Variants in CYP2C19 observed in about 807,000 individuals in gnomAD.
CYP2C19 encodes cytochrome P450 family 2 subfamily C member 19.
Under a neutral mutation model 40.9 loss-of-function variants are expected in CYP2C19, and 59 were observed. That is an observed-to-expected ratio of 1.44 (90% CI 1.17 to 1.79). The LOEUF is 1.79. Ranked by LOEUF, CYP2C19 falls within the 40% of genes most tolerant of loss-of-function variation. The pLI is 0.00. For synonymous variants in CYP2C19, 253 were observed against 208.7 expected (o/e 1.21, Z -1.83); for missense variants, 754 against 596.9 (o/e 1.26, Z -2.74).
chr10:94,773,348 A>G (rs1848361789), intron 1 of CYP2C19, among the ~76,000 whole-genome samples: 1 of 152,128 alleles, frequency 6.6e-6, no homozygotes, highest in South Asian at 2.1e-4. Context: ...GTTCCTTCAG[A>G]TGTTCAGATG....
chr10:94,777,821 G>A (rs896142549), intron 3 of CYP2C19, among the ~76,000 whole-genome samples: 1 of 152,116 alleles, frequency 6.6e-6, no homozygotes, highest in African/African-American at 2.4e-5. Flanking sequence ...AAGAGCTTCT[G>A]CATAGCAAAG....
intron 1 of CYP2C19, among the ~76,000 whole-genome samples, chr10:94,770,488 T>C (rs576134704): frequency 1.3e-5 from 2 of 152,236 alleles, no homozygotes; most frequent in African/African-American, 2.4e-5. Flanking sequence ...AGTTTTCCTT[T>C]TGGGCCTGTT....
In CYP2C19 at chr10:94,801,835, T is replaced by C. The variant is rs1381752642; in HGVS notation, c.820-18661T>C. 3.3e-5 allele frequency among the ~76,000 whole-genome samples: 5 copies of C among 152,162 alleles called. No homozygotes were observed. The East Asian group carries it at 9.6e-4, about 29-fold the overall frequency. Reference sequence around the variant, plus strand: ...TTCTTGTTACATTGTGTCTGGATTTTGTTCCTTCTGGTGCGTTCGTGGTCT... The same window carrying C: ...TTCTTGTTACATTGTGTCTGGATTTCGTTCCTTCTGGTGCGTTCGTGGTCT... On this transcript the variant is annotated intron_variant, in intron 5 of 8. Transcript: ENST00000371321.
In CYP2C19 at chr10:94,820,526, A is replaced by G. The variant is rs745503497; in HGVS notation, c.850A>G (p.Ile284Val). The change falls in exon 6 of 9, where the codon ATT becomes GTT. Residue 284 changes from isoleucine (I) to valine (V), a missense_variant. By Grantham distance (29) the Ile-to-Val change is conservative. Transcript: ENST00000371321. ...GCAAAACCAACAGTCTGAATTCACT[A>G]TTGAAAACTTGGTAATCACTGCAGC... ...EKQNQQSEFT[I>V]ENLVITAADL... The G allele has an allele frequency of 6.2e-6, 10 of 1,614,056 alleles. No homozygotes were observed. Among genetic ancestry groups the G allele is most frequent in the Middle Eastern group, 1.6e-4 (1 of 6,084 alleles).
chr10:94,774,609 C>G (rs1848381362), intron 1 of CYP2C19: 1 of 179,260 alleles, frequency 5.6e-6, no homozygotes, highest in Non-Finnish European at 1.2e-5. Context: ...ACTGTTGGAC[C>G]AGGAAATTGT....
chr10:94,848,408 G>A (rs1159614679), intron 7 of CYP2C19, among the ~76,000 whole-genome samples: 3 of 152,238 alleles, frequency 2.0e-5, no homozygotes, highest in African/African-American at 7.2e-5. Flanking sequence ...TATTATTTCT[G>A]TTGGCTCTGT....
At chr10:94,816,146 A>G (rs577905914) in intron 5 of CYP2C19, among the ~76,000 whole-genome samples, 9 of 152,270 alleles carry the variant, frequency 5.9e-5, no homozygotes, top group Admixed American at 5.9e-4. Context: ...GAGTCTGACA[A>G]ATGGAATTTT....
rs1179257303 is a variant in CYP2C19, at chr10:94,853,621, C to A, written c.*707C>A. Among the ~76,000 whole-genome samples the A allele has an allele frequency of 2.7e-5, 4 of 150,678 alleles. No individual in the cohort carries two copies. Among genetic ancestry groups the A allele is most frequent in the Admixed American group, 2.7e-4 (4 of 15,072 alleles). ...AGTGCAGTGGTGCAATCTCGGCTCA[C>A]TGTAACCTTCGCCTCCCAGGCTCAA... On this transcript the variant is annotated 3_prime_UTR_variant, in exon 9 of 9. Coordinates refer to ENST00000371321, the MANE Select transcript of CYP2C19 (RefSeq NM_000769.4).
chr10:94,801,497 G>A (rs889029012), intron 5 of CYP2C19, among the ~76,000 whole-genome samples: 3 of 152,148 alleles, frequency 2.0e-5, no homozygotes, highest in Admixed American at 6.5e-5. Context: ...TTGCTCAGGA[G>A]TGTTTTACTT....
At chr10:94,787,336 A>T (rs1291624433) in intron 5 of CYP2C19, among the ~76,000 whole-genome samples, 2 of 151,902 alleles carry the variant, frequency 1.3e-5, no homozygotes. Context: ...TTTTTAATGA[A>T]GTTATTTGTT....
At chr10:94,769,885 T>A (rs1328564831) in intron 1 of CYP2C19, among the ~76,000 whole-genome samples, 7 of 152,118 alleles carry the variant, frequency 4.6e-5, no homozygotes, top group Non-Finnish European at 1.0e-4. Flanking sequence ...TTCATGTAGA[T>A]AATAGCTCCA....
At chr10:94,778,123 C>G (rs746308832) in intron 3 of CYP2C19, among the ~76,000 whole-genome samples, 4 of 152,142 alleles carry the variant, frequency 2.6e-5, no homozygotes, top group Non-Finnish European at 5.9e-5. Context: ...TGTTTTTATT[C>G]AGTGCAGGCA....
At chr10:94,801,747 GA>G (rs548069011) in intron 5 of CYP2C19, among the ~76,000 whole-genome samples, 240 of 152,280 alleles carry the variant, frequency 1.6e-3, no homozygotes, top group African/African-American at 5.7e-3. Flanking sequence ...AGGTCTGTAA[GA>G]ACTTGGTTTA....
At chr10:94,798,833 T>A (rs887566694) in intron 5 of CYP2C19, among the ~76,000 whole-genome samples, 1 of 148,004 alleles carries the variant, frequency 6.8e-6, no homozygotes, top group Non-Finnish European at 1.5e-5. Flanking sequence ...TTTTTTTTTT[T>A]TTTTTGCTGT....
intron 6 of CYP2C19, among the ~76,000 whole-genome samples, chr10:94,840,318 C>T (rs959127634): frequency 3.3e-5 from 5 of 151,468 alleles, no homozygotes; most frequent in Non-Finnish European, 7.4e-5. Flanking sequence ...CTCTCTTAGC[C>T]ATTACAAACT....
At chr10:94,845,413 A>G (rs544743091) in intron 7 of CYP2C19, among the ~76,000 whole-genome samples, 3 of 152,314 alleles carry the variant, frequency 2.0e-5, no homozygotes, top group African/African-American at 7.2e-5. Flanking sequence ...CTCACATACT[A>G]TACAAAAACA....
At chr10:94,786,900 C>A (rs1251443815) in intron 5 of CYP2C19, among the ~76,000 whole-genome samples, 1 of 151,986 alleles carries the variant, frequency 6.6e-6, no homozygotes, top group Non-Finnish European at 1.5e-5. Flanking sequence ...TTTCTTTATG[C>A]CACACACCAT....
At chr10:94,814,516 G>A (rs535031724) in intron 5 of CYP2C19, among the ~76,000 whole-genome samples, 2 of 151,270 alleles carry the variant, frequency 1.3e-5, no homozygotes, top group Admixed American at 6.6e-5. Context: ...GGGTAACTCA[G>A]TTTTTGATAG....
chr10:94,780,478 A>G, intron 3 of CYP2C19, 21 bp from the exon 4 acceptor site: 1 of 1,611,864 alleles, frequency 6.2e-7, no homozygotes, highest in East Asian at 2.2e-5. Flanking sequence ...TCATATTTTA[A>G]AATTGTTTCC....
Sources: gnomAD v4.1 joint callset for allele counts (sites outside exome capture counted in the v4.1 genomes callset) on GRCh38, gnomAD v4.1.1 for gene constraint, MANE v1.5 for transcripts, NCBI Gene and HGNC (gene_info 2026-07-23, HGNC 2026-07-21) for gene names.